Variants in PDIA5 observed in about 807,000 individuals in gnomAD.
The protein encoded by PDIA5 is protein disulfide-isomerase A5.
In PDIA5, 58 loss-of-function variants were observed where a neutral mutation model predicts 77.6. The ratio of observed to expected loss-of-function variants is 0.75; its 90% CI spans 0.61 to 0.93. The LOEUF is 0.93. PDIA5 is among the 40% of genes least tolerant of loss of function. The probability of loss-of-function intolerance (pLI) is 0.00; values close to 1 mark genes in which losing one functional copy is unlikely to be tolerated. For missense variants in PDIA5, 630 were observed against 647.7 expected (o/e 0.97, Z 0.30); for synonymous variants, 250 against 252.1 (o/e 0.99, Z 0.08).
At chr3:123,126,390 G>T (rs1444625336) in intron 10 of PDIA5, among the ~76,000 whole-genome samples, 1 of 152,094 alleles carries the variant, frequency 6.6e-6, no homozygotes, top group Non-Finnish European at 1.5e-5. Context: ...CTTATCCTCT[G>T]CAAGAGCTAG....
At chr3:123,143,461 A>C (rs1560552362) in intron 11 of PDIA5, among the ~76,000 whole-genome samples, 1 of 151,520 alleles carries the variant, frequency 6.6e-6, no homozygotes, top group East Asian at 2.0e-4. Flanking sequence ...TGTGGGTACA[A>C]TATGTAATAG....
intron 3 of PDIA5, among the ~76,000 whole-genome samples, chr3:123,101,906 C>CTTGTTTT (rs1934607949): frequency 1.4e-5 from 1 of 71,378 alleles, no homozygotes; most frequent in African/African-American, 5.4e-5. Flanking sequence ...TTCTTTCTTG[C>CTTGTTTT]TTTTTTTTTT....
At chr3:123,136,493 C>T (rs992918229) in intron 11 of PDIA5, among the ~76,000 whole-genome samples, 1 of 152,152 alleles carries the variant, frequency 6.6e-6, no homozygotes, top group Admixed American at 6.5e-5. Flanking sequence ...GTAATCCCAG[C>T]ACTTTGGGAG....
At chr3:123,114,540 G>A (rs1257519664) in intron 7 of PDIA5, among the ~76,000 whole-genome samples, 1 of 152,252 alleles carries the variant, frequency 6.6e-6, no homozygotes, top group Admixed American at 6.5e-5. Context: ...ATGGGGAGAT[G>A]CAGACCTCGG....
chr3:123,099,504 G>T (rs1381213461), intron 3 of PDIA5, among the ~76,000 whole-genome samples: 1 of 152,196 alleles, frequency 6.6e-6, no homozygotes, highest in African/African-American at 2.4e-5. Flanking sequence ...GGAGAGGAGA[G>T]AATCCTTAGG....
At chr3:123,148,141 C>T in intron 13 of PDIA5, among the ~76,000 whole-genome samples, 1 of 152,188 alleles carries the variant, frequency 6.6e-6, no homozygotes, top group African/African-American at 2.4e-5. Context: ...TGAGCCATTT[C>T]TTTGATGCCT....
chr3:123,133,191 C>T (rs1935412484), intron 11 of PDIA5, among the ~76,000 whole-genome samples: 1 of 152,172 alleles, frequency 6.6e-6, no homozygotes, highest in African/African-American at 2.4e-5. Flanking sequence ...TGAGAATCCC[C>T]AGTGATCAAG....
At chr3:123,073,574 C>T (rs1284248630) in intron 1 of PDIA5, among the ~76,000 whole-genome samples, 1 of 152,232 alleles carries the variant, frequency 6.6e-6, no homozygotes, top group African/African-American at 2.4e-5. Flanking sequence ...CAGTTTGCAA[C>T]CACTTCTAAA....
intron 14 of PDIA5, 60 bp from the exon 15 acceptor site, chr3:123,154,911 C>T (rs1177193847): frequency 2.7e-6 from 3 of 1,120,814 alleles, no homozygotes; most frequent in East Asian, 2.3e-5. Context: ...GGGTCCCTGG[C>T]CCTGCAGCCT....
At chr3:123,085,744 A>G (rs556506213) in intron 1 of PDIA5, among the ~76,000 whole-genome samples, 1 of 152,102 alleles carries the variant, frequency 6.6e-6, no homozygotes, top group Non-Finnish European at 1.5e-5. Context: ...CAGCCTCAGG[A>G]GGGGCTGGAC....
chr3:123,089,164 C>T lies in PDIA5; in HGVS notation c.43-4C>T. ...CTCACAGTCGTTGGCTCCTTGATCC[C>T]CAGGTGGTCCTGCCATCATGGCTGT... On this transcript the variant is annotated splice_polypyrimidine_tract_variant and splice_region_variant and intron_variant, in intron 1 of 16. Coordinates refer to ENST00000316218, the MANE Select transcript of PDIA5 (RefSeq NM_006810.4). The T allele has an allele frequency of 6.2e-7, 1 of 1,612,312 alleles. No individual in the cohort carries two copies. The highest frequency in any genetic ancestry group is 1.7e-5 in the Admixed American group (1 of 59,748).
chr3:123,085,610 A>T (rs1410169730), intron 1 of PDIA5, among the ~76,000 whole-genome samples: 2 of 152,094 alleles, frequency 1.3e-5, no homozygotes, highest in African/African-American at 4.8e-5. Flanking sequence ...TTTCTCTTGT[A>T]CACACTTTGT....
chr3:123,136,086 A>C (rs1560545234), intron 11 of PDIA5, among the ~76,000 whole-genome samples: 1 of 151,650 alleles, frequency 6.6e-6, no homozygotes, highest in Non-Finnish European at 1.5e-5. Context: ...ACGGGCCACC[A>C]CACCTGGCTA....
At chr3:123,097,554 G>A (rs1317241873) in intron 3 of PDIA5, among the ~76,000 whole-genome samples, 1 of 152,138 alleles carries the variant, frequency 6.6e-6, no homozygotes, top group Non-Finnish European at 1.5e-5. Context: ...ACCTGTCCAA[G>A]TTCAAGGTTC....
chr3:123,145,623 C>G, intron 12 of PDIA5, 31 bp downstream of exon 12: 1 of 1,553,806 alleles, frequency 6.4e-7, no homozygotes, highest in Non-Finnish European at 8.9e-7. Context: ...CCTCACCGTT[C>G]TCTTTGAAAG....
Position 123,077,929 on chromosome 3 carries a change from C to T in PDIA5, c.42+10723C>T, listed in dbSNP as rs558940173. ...GGTTCAAGTGATTCTTCTGTCTCAGCCTCCCGAGTAGCTGGGACTACAGGC... is the reference window on the plus strand; with the variant it reads ...GGTTCAAGTGATTCTTCTGTCTCAGTCTCCCGAGTAGCTGGGACTACAGGC... On this transcript the variant is annotated intron_variant, in intron 1 of 16. Transcript: ENST00000316218. 2.0e-5 allele frequency among the ~76,000 whole-genome samples: 3 copies of T among 152,006 alleles called. No homozygotes were observed. The South Asian group carries it at 6.2e-4, about 32-fold the overall frequency.
chr3:123,082,508 T>A (rs1255010857), intron 1 of PDIA5, among the ~76,000 whole-genome samples: 2 of 151,986 alleles, frequency 1.3e-5, no homozygotes, highest in Non-Finnish European at 2.9e-5. Flanking sequence ...CCGTGTGACC[T>A]CTTGGTCTGG....
chr3:123,129,511 C>CGG, intron 10 of PDIA5, among the ~76,000 whole-genome samples: 1 of 152,222 alleles, frequency 6.6e-6, no homozygotes, highest in Non-Finnish European at 1.5e-5. Flanking sequence ...TAAAATATTT[C>CGG]CTCCTGTAGG....
chr3:123,080,337 G>A (rs187484411), intron 1 of PDIA5, among the ~76,000 whole-genome samples: 143 of 152,192 alleles, frequency 9.4e-4, no homozygotes, highest in African/African-American at 3.3e-3. Context: ...GGCTGGAGAC[G>A]GTATGTGAGG....
Sources: allele counts gnomAD v4.1 joint callset (sites outside exome capture counted in the v4.1 genomes callset), GRCh38; gene constraint gnomAD v4.1.1; transcripts MANE v1.5; gene names NCBI Gene and HGNC (gene_info 2026-07-23, HGNC 2026-07-21).